Variants in INPP4B observed in about 807,000 individuals in gnomAD.
The protein encoded by INPP4B is inositol polyphosphate-4-phosphatase type II B.
Under a neutral mutation model 122.5 loss-of-function variants are expected in INPP4B, and 55 were observed. The ratio of observed to expected loss-of-function variants is 0.45; its 90% CI spans 0.36 to 0.56. The LOEUF (loss-of-function observed/expected upper bound fraction) is 0.56, where lower values mean the gene tolerates loss of function less well. Among genes scored for constraint, INPP4B ranks in the 20% least tolerant of loss-of-function variants. INPP4B has a pLI of 0.00. For missense variants in INPP4B, 1,000 were observed against 1,097.7 expected (o/e 0.91, Z 1.26); for synonymous variants, 403 against 388.7 (o/e 1.04, Z -0.43).
chr4:142,654,367 T>TTAAAAAAAAAAAA (rs766012808), intron 2 of INPP4B: 19 of 100,980 alleles, frequency 1.9e-4, no homozygotes, highest in East Asian at 1.2e-3. Flanking sequence ...ACTTAAAGTA[T>TTAAAAAAAAAAAA]AAAAAAAAAA....
At chr4:142,079,160 T>C (rs1316530602) in intron 25 of INPP4B, among the ~76,000 whole-genome samples, 2 of 151,956 alleles carry the variant, frequency 1.3e-5, no homozygotes, top group East Asian at 3.9e-4. Flanking sequence ...TTTTTAAAAA[T>C]AGATTTAAGG....
intron 7 of INPP4B, among the ~76,000 whole-genome samples, chr4:142,365,468 C>G (rs569715215): frequency 6.6e-6 from 1 of 152,114 alleles, no homozygotes; most frequent in Non-Finnish European, 1.5e-5. Flanking sequence ...AAGAAGTGAA[C>G]ATTTGCAGCC....
chr4:142,629,881 A>G (rs1233080569), intron 2 of INPP4B, among the ~76,000 whole-genome samples: 1 of 152,072 alleles, frequency 6.6e-6, no homozygotes, highest in Non-Finnish European at 1.5e-5. Flanking sequence ...CCCCTTCTAG[A>G]GAAACTGACC....
intron 3 of INPP4B, among the ~76,000 whole-genome samples, chr4:142,456,455 T>C (rs1024846631): frequency 6.6e-6 from 1 of 152,076 alleles, no homozygotes; most frequent in African/African-American, 2.4e-5. Flanking sequence ...GCTTTGTTCT[T>C]GGGCTCTCTA....
At chr4:142,718,344 A>C (rs1297191065) in intron 2 of INPP4B, among the ~76,000 whole-genome samples, 2 of 152,196 alleles carry the variant, frequency 1.3e-5, no homozygotes, top group African/African-American at 4.8e-5. Flanking sequence ...TTTGTTTAAA[A>C]CTGGCGGGCT....
chr4:142,785,891 C>T (rs1161623961), intron 1 of INPP4B, among the ~76,000 whole-genome samples: 1 of 151,904 alleles, frequency 6.6e-6, no homozygotes, highest in Non-Finnish European at 1.5e-5. Flanking sequence ...AAAATAAAAC[C>T]AAAGACAGAA....
Position 142,369,507 on chromosome 4 carries a change from G to A in INPP4B, c.372+33431C>T, listed in dbSNP as rs375587392. Among the ~76,000 whole-genome samples the A allele has an allele frequency of 9.9e-5, 15 of 151,186 alleles. No individual in the cohort carries two copies. The East Asian group carries it at 2.1e-3, about 22-fold the overall frequency. On this transcript the variant is annotated intron_variant, in intron 7 of 25. Coordinates refer to ENST00000262992, the MANE Select transcript of INPP4B (RefSeq NM_001101669.3). ...TAGGAGGATCACTTGAGCCCAGGAGGTCAAGGTCACAGTGAGCTGTAATCA... is the reference window on the plus strand; with the variant it reads ...TAGGAGGATCACTTGAGCCCAGGAGATCAAGGTCACAGTGAGCTGTAATCA...
chr4:142,265,046 G>T (rs1742095818), intron 10 of INPP4B, among the ~76,000 whole-genome samples: 1 of 151,742 alleles, frequency 6.6e-6, no homozygotes, highest in Non-Finnish European at 1.5e-5. Flanking sequence ...TAGACCATCT[G>T]AGAAGGTAGC....
At chr4:142,162,645 T>C (rs1421248449) in intron 16 of INPP4B, among the ~76,000 whole-genome samples, 2 of 151,946 alleles carry the variant, frequency 1.3e-5, no homozygotes, top group African/African-American at 2.4e-5. Context: ...TGAAATCTTC[T>C]CTAGCACTTG....
At chr4:142,537,423 TATATATAGAGAGAGAGAGAGAGAGAGAG>T (rs1353937986) in intron 2 of INPP4B, among the ~76,000 whole-genome samples, 19 of 47,988 alleles carry the variant, frequency 4.0e-4, no homozygotes, top group African/African-American at 1.4e-3. Context: ...TATATATATA[TATATATAGAGAGAGAGAGAGAGAGAGAG>T]AGAGAGAGAG....
chr4:142,029,971 A>G, intron 25 of INPP4B: 1 of 1,381,794 alleles, frequency 7.2e-7, no homozygotes, highest in Non-Finnish European at 9.4e-7. Flanking sequence ...AATGCATAGT[A>G]CTTTTTGTTT....
intron 7 of INPP4B, among the ~76,000 whole-genome samples, chr4:142,371,247 A>G (rs1402274866): frequency 6.6e-6 from 1 of 152,082 alleles, no homozygotes; most frequent in Non-Finnish European, 1.5e-5. Context: ...CTAGACCCCA[A>G]TCTCTCACCA....
intron 7 of INPP4B, among the ~76,000 whole-genome samples, chr4:142,323,480 CT>C (rs1198340758): frequency 7.3e-6 from 1 of 137,706 alleles, no homozygotes; most frequent in Non-Finnish European, 1.5e-5. Flanking sequence ...GAGTCTCACT[CT>C]GTCGCCCAGG....
intron 1 of INPP4B, among the ~76,000 whole-genome samples, chr4:142,826,556 A>G (rs1479832661): frequency 1.3e-5 from 2 of 152,014 alleles, no homozygotes; most frequent in African/African-American, 2.4e-5. Flanking sequence ...TTTCCCATTC[A>G]AATCTCTTAA....
intron 2 of INPP4B, among the ~76,000 whole-genome samples, chr4:142,602,153 G>A (rs959203613): frequency 2.0e-5 from 3 of 151,948 alleles, no homozygotes; most frequent in African/African-American, 7.2e-5. Flanking sequence ...AAAAATCAAT[G>A]TGCAGAAATC....
At chr4:142,342,368 T>C (rs1015400597) in intron 7 of INPP4B, among the ~76,000 whole-genome samples, 13 of 152,168 alleles carry the variant, frequency 8.5e-5, no homozygotes, top group African/African-American at 3.1e-4. Context: ...CTTGACACAA[T>C]TTAATTTTAC....
chr4:142,397,059 C>T (rs935659669), intron 7 of INPP4B, among the ~76,000 whole-genome samples: 3 of 152,104 alleles, frequency 2.0e-5, no homozygotes, highest in African/African-American at 7.2e-5. Context: ...TAAGATTTGA[C>T]CAGTTTGTTA....
chr4:142,705,288 C>T (rs1027073511), intron 2 of INPP4B, among the ~76,000 whole-genome samples: 2 of 152,118 alleles, frequency 1.3e-5, no homozygotes, highest in Non-Finnish European at 2.9e-5. Context: ...CAGACACTTG[C>T]GTGGGCTTTC....
intron 14 of INPP4B, among the ~76,000 whole-genome samples, chr4:142,204,340 C>T (rs1841841449): frequency 6.6e-6 from 1 of 152,056 alleles, no homozygotes; most frequent in East Asian, 1.9e-4. Context: ...TAATGTGGCT[C>T]TTAGGATATC....
Sources: allele counts gnomAD v4.1 joint callset (sites outside exome capture counted in the v4.1 genomes callset), GRCh38; gene constraint gnomAD v4.1.1; transcripts MANE v1.5; gene names NCBI Gene and HGNC (gene_info 2026-07-23, HGNC 2026-07-21).